Variants in HAUS4 observed in about 807,000 individuals in gnomAD.
The protein encoded by HAUS4 is HAUS augmin-like complex subunit 4.
A neutral mutation model predicts 50.6 loss-of-function variants in HAUS4; 34 were observed. That is an observed-to-expected ratio of 0.67 (90% CI 0.51 to 0.90). The LOEUF (loss-of-function observed/expected upper bound fraction) is 0.90, where lower values mean the gene tolerates loss of function less well. HAUS4 is among the 40% of genes least tolerant of loss of function. The pLI, the probability that HAUS4 is intolerant of heterozygous loss-of-function variation, is 0.00. For synonymous variants in HAUS4, 149 were observed against 161.4 expected (o/e 0.92, Z 0.58); for missense variants, 370 against 428.7 (o/e 0.86, Z 1.21).
chr14:22,952,848 A>G (rs2044781368), intron 2 of HAUS4, among the ~76,000 whole-genome samples, 165 bp from the exon 3 acceptor site: 1 of 152,250 alleles, frequency 6.6e-6, no homozygotes, highest in Non-Finnish European at 1.5e-5. Context: ...AACAAGGGTA[A>G]TATTCAAGGT....
In HAUS4 at chr14:22,947,907, C is replaced by A; in HGVS notation, c.669G>T (p.Gln223His). 1.9e-6 allele frequency: 3 copies of A among 1,614,122 alleles called. No individual in the cohort carries two copies. The highest frequency in any genetic ancestry group is 2.5e-6 in the Non-Finnish European group (3 of 1,179,994). The change falls in exon 7 of 10, where the codon CAG (glutamine) becomes CAT (histidine). Residue 223 changes from glutamine to histidine, a missense_variant. Gln to His is a conservative substitution (Grantham distance 24). Coordinates refer to ENST00000541587, the MANE Select transcript of HAUS4 (RefSeq NM_001166269.2). ...CQDAKSQQKE[Q>H]MLLLEKKSAA... ...CACTCTTCTTCTCCAGCAGCAACATCTGCTCCTTCTGCTGGCTCTTGGCAT... is the reference window on the plus strand; with the variant it reads ...CACTCTTCTTCTCCAGCAGCAACATATGCTCCTTCTGCTGGCTCTTGGCAT...
At chr14:22,947,348 A>T (rs1408225888) in intron 8 of HAUS4, 109 bp from the exon 9 acceptor site, 3 of 795,380 alleles carry the variant, frequency 3.8e-6, no homozygotes. Flanking sequence ...AAGCACTGAT[A>T]GGATAAACAA....
chr14:22,947,620 C>T lies in HAUS4; in HGVS notation c.820G>A (p.Ala274Thr). 6.2e-7 allele frequency: 1 copy of T among 1,614,180 alleles called. No individual in the cohort carries two copies. The highest frequency in any genetic ancestry group is 8.5e-7 in the Non-Finnish European group (1 of 1,180,020). The change falls in exon 8 of 10, where the codon GCT (alanine) becomes ACT (threonine). Residue 274 changes from alanine (A) to threonine (T), a missense_variant. Transcript: ENST00000541587. Reference sequence around the variant, plus strand: ...GCTCACCTCAGCTTAAGGATCATAGCACCGCACTTGACTTCCAGGTACTGG... The same window carrying T: ...GCTCACCTCAGCTTAAGGATCATAGTACCGCACTTGACTTCCAGGTACTGG... Reference protein sequence around the residue: ...NAQYLEVKCGAMILKLRMEEL... With the variant: ...NAQYLEVKCGTMILKLRMEEL...
At position 22,952,374 on chromosome 14, in the gene HAUS4, T is replaced by G; in HGVS notation, c.284A>C (p.Tyr95Ser). The G allele has an allele frequency of 6.2e-7, 1 of 1,614,068 alleles. No homozygotes were observed. Among genetic ancestry groups the G allele is most frequent in the Non-Finnish European group, 8.5e-7 (1 of 1,179,918 alleles). ...HRVIQELLVDYYVKIQDTNVT... is the reference protein window; with the variant it reads ...HRVIQELLVDSYVKIQDTNVT... ...ATTTGTGTCTTGTATCTTCACATAG[T>G]AGTCCACAAGCAACTCTTGAATGAC... The change falls in exon 4 of 10, where the codon TAC becomes TCC. Residue 95 changes from tyrosine (Y) to serine (S), a missense_variant. Transcript: ENST00000541587.
At position 22,947,203 on chromosome 14, in the gene HAUS4, A is replaced by G; in HGVS notation, c.876T>C (p.Thr292=). 2 of 1,608,250 alleles carry G rather than the reference A, an allele frequency of 1.2e-6. No homozygotes were observed. The highest frequency in any genetic ancestry group is 1.7e-6 in the Non-Finnish European group (2 of 1,174,982). The change falls in exon 9 of 10, where the codon ACT becomes ACC. Residue 292 remains threonine (T), a synonymous_variant. Transcript: ENST00000541587. The part of the protein sequence containing the change: ...EELKILSDTY[T]VEKVEVHRLI... ...GACGATGAACTTCCACTTTCTCAACAGTGTAAGTGTCGGACAAAATCTTTA... is the reference window on the plus strand; with the variant it reads ...GACGATGAACTTCCACTTTCTCAACGGTGTAAGTGTCGGACAAAATCTTTA...
In HAUS4 at chr14:22,951,684, A is replaced by G; in HGVS notation, c.336T>C (p.His112=). The G allele has an allele frequency of 1.2e-6, 2 of 1,602,456 alleles. No individual in the cohort carries two copies. The highest frequency in any genetic ancestry group is 8.5e-7 in the Non-Finnish European group (1 of 1,174,864). ...TNVTSEDKKF[H]ETLEQRLLVT... is the part of the protein sequence containing the mutation. ...CAAGCAGCCGCTGTTCAAGGGTCTC[A>G]TGAAACTGAGAGAGAGAGAATAAAA... The change falls in exon 5 of 10, where the codon CAT becomes CAC. Residue 112 remains histidine (H), a synonymous_variant. Coordinates refer to ENST00000541587, the MANE Select transcript of HAUS4 (RefSeq NM_001166269.2).
Position 22,952,272 on chromosome 14 carries a change from G to A in HAUS4, c.330+56C>T, listed in dbSNP as rs1483162654. ...ACCTCAAGTGATCAGCCTGCCTGGG[G>A]CTCCCAAAGTGCTGGGATTACAGGT... On this transcript the variant is annotated intron_variant, in intron 4 of 9. Transcript: ENST00000541587. The A allele has an allele frequency of 6.3e-6, 9 of 1,429,390 alleles. No homozygotes were observed. In the South Asian group the frequency reaches 8.3e-5, roughly 13 times the overall value. The allele number at this position is 1,429,390 out of a possible 1,614,324, so 88.5% of individuals were successfully genotyped here.
intron 6 of HAUS4, among the ~76,000 whole-genome samples, 186 bp downstream of exon 6, chr14:22,950,128 C>CAAA (rs200256150): frequency 2.7e-5 from 3 of 112,104 alleles, no homozygotes; most frequent in Non-Finnish European, 5.3e-5. Flanking sequence ...AACGCCATCT[C>CAAA]AAAAAAAAAA....
At position 22,946,327 on chromosome 14, in the gene HAUS4, C is replaced by T; in HGVS notation, c.*198G>A. Reference sequence around the variant, plus strand: ...CATAAAAATTATATAAATCTCCTTGCTAGATTTTCCAGAAGAGGCCCAGTC... The same window carrying T: ...CATAAAAATTATATAAATCTCCTTGTTAGATTTTCCAGAAGAGGCCCAGTC... On this transcript the variant is annotated 3_prime_UTR_variant, in exon 10 of 10. Transcript: ENST00000541587. 2 of 429,384 alleles carry T rather than the reference C, an allele frequency of 4.7e-6. No homozygotes were observed. The highest frequency in any genetic ancestry group is 4.1e-6 in the Non-Finnish European group (1 of 243,280). The allele number at this position is 429,384 out of a possible 1,614,324, so 26.6% of individuals were successfully genotyped here.
At position 22,949,320 on chromosome 14, in the gene HAUS4, G is replaced by A. The variant is rs374338415; in HGVS notation, c.562+994C>T. 4.9e-4 allele frequency among the ~76,000 whole-genome samples: 75 copies of A among 152,028 alleles called. 1 individual carries two copies. In the South Asian group the frequency reaches 0.012, roughly 24 times the overall value. ...CAAGGTGGGTAGATCATGAGGTCAG[G>A]AGACTGAGACCATCCTGGCTAACAC... On this transcript the variant is annotated intron_variant, in intron 6 of 9. Coordinates refer to ENST00000541587, the MANE Select transcript of HAUS4 (RefSeq NM_001166269.2).
intron 5 of HAUS4, among the ~76,000 whole-genome samples, chr14:22,951,155 C>G (rs1307677322): frequency 6.6e-6 from 1 of 151,684 alleles, no homozygotes; most frequent in Non-Finnish European, 1.5e-5. Flanking sequence ...TGTGCACCAC[C>G]AAACCTGGCT....
intron 7 of HAUS4, 34 bp downstream of exon 7, chr14:22,947,834 T>C: frequency 1.2e-6 from 2 of 1,611,480 alleles, no homozygotes; most frequent in Non-Finnish European, 1.7e-6. Context: ...GGGGTCAGGA[T>C]AAAGGAAAGG....
In HAUS4 at chr14:22,947,683, G is replaced by T; in HGVS notation, c.757C>A (p.Arg253=). ...TCTAGCTCGGATTGAGTCTTCAGCCGGTGTTCTTGAAGAAGCCTCTGCAGC... is the reference window on the plus strand; with the variant it reads ...TCTAGCTCGGATTGAGTCTTCAGCCTGTGTTCTTGAAGAAGCCTCTGCAGC... The part of the protein sequence containing the change: ...TLLQRLLQEH[R]LKTQSELDRI... Residue 253 remains arginine (R), a synonymous_variant, in exon 8 of 10, where the codon CGG becomes AGG. Transcript: ENST00000541587. The T allele has an allele frequency of 1.2e-6, 2 of 1,614,014 alleles. No individual in the cohort carries two copies. Among genetic ancestry groups the T allele is most frequent in the South Asian group, 2.2e-5 (2 of 91,062 alleles).
chr14:22,947,870 G>T lies in HAUS4; in HGVS notation c.706C>A (p.Gln236Lys). ...LLEKKSAAYS[Q>K]VLLRCLTLLQ... is the part of the protein sequence containing the mutation. ...GGCTGTCCCATGCCCTGATAAACCT[G>T]GGAGTAAGCAGCACTCTTCTTCTCC... The change falls in exon 7 of 10, where the codon CAG becomes AAG. Residue 236 changes from glutamine (Q) to lysine (K), a missense_variant and splice_region_variant. Coordinates refer to ENST00000541587, the MANE Select transcript of HAUS4 (RefSeq NM_001166269.2). 1 of 1,613,110 alleles carries T rather than the reference G, an allele frequency of 6.2e-7. No individual in the cohort carries two copies. Among genetic ancestry groups the T allele is most frequent in the Non-Finnish European group, 8.5e-7 (1 of 1,179,508 alleles).
At chr14:22,955,908 A>C (rs2044854572) in intron 1 of HAUS4, among the ~76,000 whole-genome samples, 1 of 152,102 alleles carries the variant, frequency 6.6e-6, no homozygotes, top group African/African-American at 2.4e-5. Flanking sequence ...GAATGACACC[A>C]ACACAGGGGC....
At position 22,947,862 on chromosome 14, in the gene HAUS4, A is replaced by G. The variant is rs2044673418; in HGVS notation, c.708+6T>C. On this transcript the variant is annotated splice_donor_region_variant and intron_variant, in intron 7 of 9. Coordinates refer to ENST00000541587, the MANE Select transcript of HAUS4 (RefSeq NM_001166269.2). ...AGGAAAGGGGCTGTCCCATGCCCTG[A>G]TAAACCTGGGAGTAAGCAGCACTCT... The G allele has an allele frequency of 6.2e-7, 1 of 1,612,650 alleles. No homozygotes were observed. Among genetic ancestry groups the G allele is most frequent in the African/African-American group, 1.3e-5 (1 of 74,938 alleles).
Position 22,951,696 on chromosome 14 carries a change from G to GA in HAUS4, c.331-8dup. 8.8e-6 allele frequency: 14 copies of GA among 1,585,420 alleles called. No individual in the cohort carries two copies. Among genetic ancestry groups the GA allele is most frequent in the Non-Finnish European group, 1.2e-5 (14 of 1,167,336 alleles). On this transcript the variant is annotated splice_polypyrimidine_tract_variant and splice_region_variant and intron_variant, in intron 4 of 9. Coordinates refer to ENST00000541587, the MANE Select transcript of HAUS4 (RefSeq NM_001166269.2). ...GTTCAAGGGTCTCATGAAACTGAGA[G>GA]AGAGAGAATAAAAAACAAAAAGAGG...
At chr14:22,953,730 C>G (rs1355911765) in intron 2 of HAUS4, among the ~76,000 whole-genome samples, 1 of 152,052 alleles carries the variant, frequency 6.6e-6, no homozygotes, top group African/African-American at 2.4e-5. Flanking sequence ...ACGCCATTCT[C>G]CTGCCTTAGC....
intron 9 of HAUS4, 73 bp from the exon 10 acceptor site, chr14:22,946,781 C>CTT (rs11414358): frequency 0.017 from 10,283 of 592,436 alleles, 3 homozygotes; most frequent in South Asian, 0.03. Flanking sequence ...AAATGAAAAA[C>CTT]TTTTTTTTTT....
Sources: allele counts gnomAD v4.1 joint callset (sites outside exome capture counted in the v4.1 genomes callset), GRCh38; gene constraint gnomAD v4.1.1; transcripts MANE v1.5; gene names NCBI Gene and HGNC (gene_info 2026-07-23, HGNC 2026-07-21).